The following TAFA2 variants were observed in gnomAD, a reference collection of about 807,000 sequenced individuals.
TAFA2 encodes chemokine-like protein TAFA-2.
Under a neutral mutation model 18.8 loss-of-function variants are expected in TAFA2, and 7 were observed. The ratio of observed to expected loss-of-function variants is 0.37; its 90% CI spans 0.21 to 0.70. TAFA2 has a LOEUF of 0.70. Among genes scored for constraint, TAFA2 ranks in the 30% least tolerant of loss-of-function variants. TAFA2 has a pLI of 0.53. For synonymous variants in TAFA2, 60 were observed against 54.2 expected (o/e 1.11, Z -0.47); for missense variants, 122 against 158.1 (o/e 0.77, Z 1.23).
At chr12:62,177,776 C>T (rs1217152969) in intron 1 of TAFA2, among the ~76,000 whole-genome samples, 1 of 152,178 alleles carries the variant, frequency 6.6e-6, no homozygotes, top group Non-Finnish European at 1.5e-5. Context: ...TTCTCTCCCA[C>T]TACCACATAT....
At chr12:61,863,666 G>A (rs1403198725) in intron 2 of TAFA2, among the ~76,000 whole-genome samples, 1 of 152,224 alleles carries the variant, frequency 6.6e-6, no homozygotes, top group African/African-American at 2.4e-5. Context: ...TCTGAGGGCT[G>A]TGAGGAGTAG....
chr12:61,722,047 AAT>A (rs1319822606), intron 4 of TAFA2, among the ~76,000 whole-genome samples: 2 of 152,188 alleles, frequency 1.3e-5, no homozygotes, highest in African/African-American at 4.8e-5. Context: ...TTTGAAGAAT[AAT>A]TCAGTAGTTG....
intron 1 of TAFA2, among the ~76,000 whole-genome samples, chr12:62,225,377 A>T (rs1388741712): frequency 6.6e-6 from 1 of 152,194 alleles, no homozygotes; most frequent in African/African-American, 2.4e-5. Flanking sequence ...GACTGATCAG[A>T]CTCAAATGTA....
intron 1 of TAFA2, among the ~76,000 whole-genome samples, chr12:61,911,329 G>A (rs752037781): frequency 6.6e-6 from 1 of 151,970 alleles, no homozygotes; most frequent in African/African-American, 2.4e-5. Flanking sequence ...ATAAGAATTG[G>A]GATTGGCCCA....
intron 1 of TAFA2, among the ~76,000 whole-genome samples, chr12:62,132,850 G>C (rs1002627534): frequency 6.6e-6 from 1 of 151,814 alleles, no homozygotes; most frequent in South Asian, 2.1e-4. Flanking sequence ...CTACATTTCT[G>C]GAAAATTCAG....
intron 1 of TAFA2, among the ~76,000 whole-genome samples, chr12:62,045,273 A>C (rs963377536): frequency 6.6e-6 from 1 of 151,982 alleles, no homozygotes; most frequent in Non-Finnish European, 1.5e-5. Flanking sequence ...TTCCCTCCCA[A>C]CTTCTCTGTT....
chr12:62,039,467 T>C (rs1259863296), intron 1 of TAFA2, among the ~76,000 whole-genome samples: 2 of 152,154 alleles, frequency 1.3e-5, no homozygotes, highest in Non-Finnish European at 2.9e-5. Flanking sequence ...CACTGGGTTC[T>C]TACTCACTCT....
At chr12:62,224,813 T>A (rs1245826431) in intron 1 of TAFA2, among the ~76,000 whole-genome samples, 6 of 152,192 alleles carry the variant, frequency 3.9e-5, no homozygotes, top group Non-Finnish European at 8.8e-5. Context: ...ATGAGTGTAC[T>A]TAATGCCACT....
At chr12:62,256,388 A>G (rs2062939249) in intron 1 of TAFA2, among the ~76,000 whole-genome samples, 7 of 152,136 alleles carry the variant, frequency 4.6e-5, no homozygotes. Flanking sequence ...GTTTGCTCTA[A>G]TTTTTTTAAA....
At chr12:61,898,632 A>G (rs1875960304) in intron 1 of TAFA2, among the ~76,000 whole-genome samples, 2 of 151,716 alleles carry the variant, frequency 1.3e-5, no homozygotes, top group South Asian at 4.2e-4. Flanking sequence ...AATAGCTGGA[A>G]TGCAAGGCAC....
At position 61,885,794 on chromosome 12, in the gene TAFA2, C is replaced by T. The variant is rs1312229652; in HGVS notation, c.-1-18368G>A. 5.9e-5 allele frequency among the ~76,000 whole-genome samples: 9 copies of T among 152,204 alleles called. No individual in the cohort carries two copies. The South Asian group carries it at 1.7e-3, about 28-fold the overall frequency. ...TCTTTTCCTCCATTCACGCCAGTGA[C>T]GTGAGTGTCGGTGTTACATCATGGC... On this transcript the variant is annotated intron_variant, in intron 1 of 4. Coordinates refer to ENST00000416284, the MANE Select transcript of TAFA2 (RefSeq NM_178539.5).
chr12:62,145,697 C>T, intron 1 of TAFA2: 1 of 152,230 alleles, frequency 6.6e-6, no homozygotes, highest in East Asian at 1.9e-4. Flanking sequence ...GCACTATCTA[C>T]CACTAGCTGG....
chr12:62,119,004 C>A (rs1257828450), intron 1 of TAFA2, among the ~76,000 whole-genome samples: 1 of 152,018 alleles, frequency 6.6e-6, no homozygotes, highest in African/African-American at 2.4e-5. Flanking sequence ...TAAGAAATAT[C>A]TTTCTACATC....
At chr12:61,852,721 T>C (rs1873725814) in intron 2 of TAFA2, among the ~76,000 whole-genome samples, 2 of 152,012 alleles carry the variant, frequency 1.3e-5, no homozygotes, top group Non-Finnish European at 1.5e-5. Flanking sequence ...TCCAACAGGA[T>C]ATACACGAGG....
intron 1 of TAFA2, among the ~76,000 whole-genome samples, chr12:62,039,555 A>G (rs1881703133): frequency 6.6e-6 from 1 of 152,180 alleles, no homozygotes; most frequent in African/African-American, 2.4e-5. Flanking sequence ...CAGTTGCCAA[A>G]TGGAGCTTAG....
intron 1 of TAFA2, among the ~76,000 whole-genome samples, chr12:62,169,633 C>T (rs989132926): frequency 6.6e-6 from 1 of 152,032 alleles, no homozygotes; most frequent in Non-Finnish European, 1.5e-5. Flanking sequence ...GGGCAGATCA[C>T]GAGGTCAGGA....
chr12:62,175,582 C>T (rs1178611306), intron 1 of TAFA2, among the ~76,000 whole-genome samples: 1 of 151,960 alleles, frequency 6.6e-6, no homozygotes, highest in Non-Finnish European at 1.5e-5. Context: ...TTTCACTTTG[C>T]CACATCTTCA....
chr12:61,940,837 C>T lies in TAFA2; in HGVS notation c.-1-73411G>A, dbSNP rs757239134. Among the ~76,000 whole-genome samples the T allele has an allele frequency of 3.9e-5, 6 of 152,102 alleles. 1 individual carries two copies. Among genetic ancestry groups the T allele is most frequent in the Non-Finnish European group, 7.3e-5 (5 of 68,028 alleles). ...AATGCCGCTGAATGCCACTAGAATA[C>T]TATGGTTATGAGCTTTTCATTTGGC... On this transcript the variant is annotated intron_variant, in intron 1 of 4. Transcript: ENST00000416284.
intron 1 of TAFA2, among the ~76,000 whole-genome samples, chr12:61,942,341 C>A (rs552223189): frequency 1.3e-5 from 2 of 149,698 alleles, no homozygotes; most frequent in African/African-American, 4.9e-5. Context: ...GATAAAACCA[C>A]AAAGATGGGG....
Sources: allele counts gnomAD v4.1 joint callset (sites outside exome capture counted in the v4.1 genomes callset), GRCh38; gene constraint gnomAD v4.1.1; transcripts MANE v1.5; gene names NCBI Gene and HGNC (gene_info 2026-07-23, HGNC 2026-07-21).